WDR70: variants seen among roughly 807,000 people sequenced by gnomAD.
WDR70 encodes WD repeat domain 70.
In WDR70, 53 loss-of-function variants were observed where a neutral mutation model predicts 88.6. The ratio of observed to expected loss-of-function variants is 0.60; its 90% CI spans 0.48 to 0.75. The LOEUF is 0.75. Ranked by LOEUF, WDR70 falls within the 30% of genes least tolerant of loss-of-function variation. The pLI, the probability that WDR70 is intolerant of heterozygous loss-of-function variation, is 0.00. For synonymous variants in WDR70, 280 were observed against 270.0 expected (o/e 1.04, Z -0.36); for missense variants, 610 against 823.2 (o/e 0.74, Z 3.17).
At chr5:37,483,768 G>A (rs1393709083) in intron 8 of WDR70, among the ~76,000 whole-genome samples, 7 of 148,856 alleles carry the variant, frequency 4.7e-5, no homozygotes, top group Admixed American at 2.7e-4. Flanking sequence ...CTGGCCGGGC[G>A]GGGGCTGACC....
intron 9 of WDR70, among the ~76,000 whole-genome samples, chr5:37,540,659 C>T (rs1235382285): frequency 2.0e-5 from 3 of 152,196 alleles, no homozygotes; most frequent in Non-Finnish European, 4.4e-5. Flanking sequence ...GGATAACAGG[C>T]GTGAGCCATT....
At chr5:37,456,646 G>C (rs2112093440) in intron 7 of WDR70, among the ~76,000 whole-genome samples, 2 of 152,220 alleles carry the variant, frequency 1.3e-5, no homozygotes, top group East Asian at 3.9e-4. Context: ...TTATATGGGG[G>C]TATTGGAGAA....
At chr5:37,570,861 A>G (rs186551802) in intron 9 of WDR70, among the ~76,000 whole-genome samples, 50 of 152,276 alleles carry the variant, frequency 3.3e-4, no homozygotes, top group African/African-American at 1.1e-3. Context: ...TTTCTCAAAT[A>G]GTCCCTCCTC....
chr5:37,618,589 C>T (rs1744413371), intron 10 of WDR70, among the ~76,000 whole-genome samples: 1 of 152,102 alleles, frequency 6.6e-6, no homozygotes, highest in African/African-American at 2.4e-5. Flanking sequence ...AGGCTGGTCT[C>T]AAACTCCTGA....
chr5:37,504,364 T>C (rs754659218), intron 8 of WDR70, among the ~76,000 whole-genome samples: 3 of 152,192 alleles, frequency 2.0e-5, no homozygotes, highest in Non-Finnish European at 4.4e-5. Context: ...TTCAACGCTT[T>C]ATATCATTTA....
At chr5:37,470,988 A>G (rs186893680) in intron 7 of WDR70, among the ~76,000 whole-genome samples, 61 of 152,054 alleles carry the variant, frequency 4.0e-4, no homozygotes, top group Middle Eastern at 6.8e-3. Flanking sequence ...CCTGGGTTCA[A>G]TTCTTTTGCC....
chr5:37,549,327 A>G (rs1742078668), intron 9 of WDR70, among the ~76,000 whole-genome samples: 1 of 152,116 alleles, frequency 6.6e-6, no homozygotes, highest in Non-Finnish European at 1.5e-5. Context: ...AGTTTTTTAT[A>G]GTCTTCATTG....
chr5:37,660,364 T>C, intron 10 of WDR70, among the ~76,000 whole-genome samples: 1 of 152,070 alleles, frequency 6.6e-6, no homozygotes, highest in East Asian at 1.9e-4. Context: ...TATCTATTGA[T>C]TTTATGTCTT....
intron 10 of WDR70, among the ~76,000 whole-genome samples, chr5:37,627,976 G>A (rs1744713035): frequency 6.6e-6 from 1 of 152,192 alleles, no homozygotes; most frequent in African/African-American, 2.4e-5. Flanking sequence ...CTTGGCTGGA[G>A]TGCAGTGGCG....
intron 6 of WDR70, among the ~76,000 whole-genome samples, chr5:37,442,764 A>G (rs1032756611): frequency 6.6e-6 from 1 of 152,192 alleles, no homozygotes; most frequent in African/African-American, 2.4e-5. Flanking sequence ...GCTTTGTTCT[A>G]CTTTGTTAAA....
At chr5:37,491,776 T>C (rs1046735654) in intron 8 of WDR70, among the ~76,000 whole-genome samples, 1 of 152,214 alleles carries the variant, frequency 6.6e-6, no homozygotes, top group Non-Finnish European at 1.5e-5. Context: ...ATAACTGTTC[T>C]GGGTTTATTT....
In WDR70 at chr5:37,752,667, T is replaced by TA; in HGVS notation, c.*95dup. 2.2e-6 allele frequency: 2 copies of TA among 926,334 alleles called. No homozygotes were observed. The highest frequency in any genetic ancestry group is 1.7e-6 in the Non-Finnish European group (1 of 605,040). 57.4% of individuals were successfully genotyped at this position (926,334 alleles called of 1,614,324 possible). ...GCTCATGAAATTAAAAATTCATTTT[T>TA]ATGAACAGGTTTTGTCCTTTGCATT... is the stretch of plus-strand genomic sequence containing the variant. On this transcript the variant is annotated 3_prime_UTR_variant, in exon 18 of 18. Coordinates refer to ENST00000265107, the MANE Select transcript of WDR70 (RefSeq NM_018034.4).
At chr5:37,502,749 T>A (rs911922623) in intron 8 of WDR70, among the ~76,000 whole-genome samples, 2 of 152,132 alleles carry the variant, frequency 1.3e-5, no homozygotes, top group African/African-American at 4.8e-5. Flanking sequence ...TGGGGAAGCT[T>A]TTACTCGTGG....
chr5:37,557,959 T>TTTGAAAACTCTTCAAAAG, intron 9 of WDR70, among the ~76,000 whole-genome samples: 452 of 146,306 alleles, frequency 3.1e-3, no homozygotes, highest in African/African-American at 3.6e-3. Context: ...AAAAGAGTAT[T>TTTGAAAACTCTTCAAAAG]ATGTATATTT....
chr5:37,541,601 G>T (rs772082446), intron 9 of WDR70, among the ~76,000 whole-genome samples: 14 of 152,128 alleles, frequency 9.2e-5, no homozygotes, highest in Non-Finnish European at 1.6e-4. Context: ...GAAGAGAGAA[G>T]AAATATGGAA....
intron 10 of WDR70, among the ~76,000 whole-genome samples, chr5:37,662,051 A>T (rs1184218822): frequency 6.6e-6 from 1 of 152,242 alleles, no homozygotes; most frequent in Non-Finnish European, 1.5e-5. Flanking sequence ...TCCCAAGATT[A>T]GTTCACGCCC....
chr5:37,485,355 A>T (rs1354473997), intron 8 of WDR70, among the ~76,000 whole-genome samples: 1 of 152,222 alleles, frequency 6.6e-6, no homozygotes, highest in Non-Finnish European at 1.5e-5. Flanking sequence ...GTTTGCATAG[A>T]GTGTCAAAGA....
At chr5:37,691,134 A>G (rs539973925) in intron 10 of WDR70, among the ~76,000 whole-genome samples, 12 of 152,294 alleles carry the variant, frequency 7.9e-5, no homozygotes, top group African/African-American at 2.4e-4. Context: ...AAGCCATTGC[A>G]TAATGGTAAA....
intron 5 of WDR70, among the ~76,000 whole-genome samples, chr5:37,414,081 G>A (rs1468385466): frequency 6.8e-6 from 1 of 147,702 alleles, no homozygotes; most frequent in Non-Finnish European, 1.5e-5. Flanking sequence ...GGAGGCGGAG[G>A]TTGCGGTGAG....
Sources: allele counts gnomAD v4.1 joint callset (sites outside exome capture counted in the v4.1 genomes callset), GRCh38; gene constraint gnomAD v4.1.1; transcripts MANE v1.5; gene names NCBI Gene and HGNC (gene_info 2026-07-23, HGNC 2026-07-21).